Variants in GRM7 observed in about 807,000 individuals in gnomAD.
The protein encoded by GRM7 is glutamate metabotropic receptor 7.
A neutral mutation model predicts 84.5 loss-of-function variants in GRM7; 35 were observed. The observed-to-expected ratio is 0.41, with a 90% confidence interval of 0.32 to 0.55. The LOEUF (loss-of-function observed/expected upper bound fraction) is 0.55. GRM7 is among the 20% of genes least tolerant of loss of function. The pLI is 0.19. For missense variants in GRM7, 1,003 were observed against 1,194.6 expected, an observed-to-expected ratio of 0.84 and a Z score of 2.36; for synonymous variants, 487 against 455.1, an observed-to-expected ratio of 1.07 and a Z score of -0.89.
At chr3:7,392,046 C>T (rs989461011) in intron 4 of GRM7, among the ~76,000 whole-genome samples, 3 of 152,144 alleles carry the variant, frequency 2.0e-5, no homozygotes, top group South Asian at 2.1e-4. Flanking sequence ...TGCAGTTTCA[C>T]GTTTTCTTTG....
intron 4 of GRM7, among the ~76,000 whole-genome samples, chr3:7,358,924 C>T (rs1410371992): frequency 6.8e-6 from 1 of 147,200 alleles, no homozygotes; most frequent in Non-Finnish European, 1.5e-5. Flanking sequence ...TTGAGACCAG[C>T]CTGGGCAACA....
chr3:7,724,416 A>C (rs4686153), intron 9 of GRM7, among the ~76,000 whole-genome samples: 1 of 152,216 alleles, frequency 6.6e-6, no homozygotes, highest in South Asian at 2.1e-4. Flanking sequence ...GTCAGAATAC[A>C]GTCCCTTTTC....
chr3:7,072,422 C>T lies in GRM7; in HGVS notation c.520-74030C>T, dbSNP rs560047391. ...TTTGGCCAGGTGTTGTGGCTCATGCCTGTTATCCCAGCACTTTAGGAGGCT... is the reference window on the plus strand; with the variant it reads ...TTTGGCCAGGTGTTGTGGCTCATGCTTGTTATCCCAGCACTTTAGGAGGCT... On this transcript the variant is annotated intron_variant, in intron 1 of 9. Transcript: ENST00000357716. 8.5e-5 allele frequency among the ~76,000 whole-genome samples: 13 copies of T among 152,208 alleles called. No individual in the cohort carries two copies. The South Asian group carries it at 2.7e-3, about 32-fold the overall frequency.
chr3:7,485,734 T>G (rs1699295983), intron 7 of GRM7, among the ~76,000 whole-genome samples: 1 of 152,244 alleles, frequency 6.6e-6, no homozygotes, highest in Non-Finnish European at 1.5e-5. Context: ...GCTGTCTTAA[T>G]TTTTGCTTTT....
chr3:7,440,457 A>G (rs1378729716), intron 5 of GRM7, among the ~76,000 whole-genome samples: 1 of 152,182 alleles, frequency 6.6e-6, no homozygotes, highest in African/African-American at 2.4e-5. Flanking sequence ...CAATATACCC[A>G]TAAGACATAC....
chr3:6,991,396 C>T (rs1471614206), intron 1 of GRM7, among the ~76,000 whole-genome samples: 1 of 152,032 alleles, frequency 6.6e-6, no homozygotes, highest in African/African-American at 2.4e-5. Context: ...AAACGCTTGA[C>T]TGCAAGCAAA....
chr3:7,251,300 T>TA (rs577843968), intron 2 of GRM7, among the ~76,000 whole-genome samples: 1,799 of 144,454 alleles, frequency 0.012, 29 homozygotes, highest in African/African-American at 0.038. Flanking sequence ...TTCAGTTACT[T>TA]AAAAAAAAAA....
chr3:7,293,734 GA>G (rs1375193917), intron 2 of GRM7, among the ~76,000 whole-genome samples: 1 of 152,168 alleles, frequency 6.6e-6, no homozygotes, highest in African/African-American at 2.4e-5. Context: ...TGTGGGCCAT[GA>G]AAAATTCCAT....
intron 6 of GRM7, 142 bp from the exon 7 acceptor site, chr3:7,461,441 G>A (rs1018176888): frequency 6.9e-6 from 4 of 577,726 alleles, no homozygotes; most frequent in Admixed American, 3.2e-5. Context: ...AATTGCAGGG[G>A]CCGTTTTGGG....
At chr3:7,592,456 T>C (rs1695837789) in intron 8 of GRM7, among the ~76,000 whole-genome samples, 1 of 152,160 alleles carries the variant, frequency 6.6e-6, no homozygotes, top group South Asian at 2.1e-4. Context: ...ATGTCAAGGC[T>C]ATTTGGGAAA....
At chr3:7,739,907 A>G (rs1028877614) in intron 9 of GRM7, among the ~76,000 whole-genome samples, 4 of 152,178 alleles carry the variant, frequency 2.6e-5, no homozygotes, top group Admixed American at 6.5e-5. Context: ...AATCAGCACT[A>G]AAGAAGACAC....
Position 6,975,735 on chromosome 3 carries a change from C to A in GRM7, c.519+113828C>A, listed in dbSNP as rs545137742. ...TGTTTGTTTGCTTGTTTGTTTTAAG[C>A]CTGGCTGATCTGATTAGGAAGAAGG... On this transcript the variant is annotated intron_variant, in intron 1 of 9. Coordinates refer to ENST00000357716, the MANE Select transcript of GRM7 (RefSeq NM_000844.4). Among the ~76,000 whole-genome samples the A allele has an allele frequency of 1.5e-4, 23 of 152,066 alleles. 1 individual carries two copies. In the South Asian group the frequency reaches 4.2e-3, roughly 27 times the overall value.
intron 1 of GRM7, among the ~76,000 whole-genome samples, chr3:7,016,200 T>A (rs2124903692): frequency 6.6e-6 from 1 of 152,308 alleles, no homozygotes; most frequent in East Asian, 1.9e-4. Flanking sequence ...TTTCTTTGGG[T>A]CACATTTTTG....
intron 7 of GRM7, among the ~76,000 whole-genome samples, chr3:7,494,890 G>A (rs965487074): frequency 1.3e-5 from 2 of 152,174 alleles, no homozygotes; most frequent in Admixed American, 1.3e-4. Context: ...TATGATGGCT[G>A]TTTTAAAACC....
intron 1 of GRM7, among the ~76,000 whole-genome samples, chr3:6,946,655 T>C (rs1469463022): frequency 6.6e-6 from 1 of 152,200 alleles, no homozygotes; most frequent in Non-Finnish European, 1.5e-5. Context: ...TTGGGCAGTA[T>C]GGCCATTTTC....
intron 2 of GRM7, among the ~76,000 whole-genome samples, chr3:7,196,100 G>C (rs542918480): frequency 4.1e-4 from 63 of 152,200 alleles, no homozygotes; most frequent in African/African-American, 1.5e-3. Context: ...GCACTGTGGA[G>C]ACTAACAAGT....
intron 6 of GRM7, among the ~76,000 whole-genome samples, chr3:7,459,733 A>G (rs567090177): frequency 6.6e-6 from 1 of 152,222 alleles, no homozygotes; most frequent in East Asian, 1.9e-4. Flanking sequence ...TGGGAGCTAC[A>G]ATTCAAGATG....
At chr3:6,911,765 GT>G (rs1696777992) in intron 1 of GRM7, among the ~76,000 whole-genome samples, 2 of 152,192 alleles carry the variant, frequency 1.3e-5, no homozygotes, top group Middle Eastern at 6.8e-3. Context: ...TTCAAAAATT[GT>G]TTTTAGTTTT....
At chr3:6,970,922 C>T (rs953597538) in intron 1 of GRM7, among the ~76,000 whole-genome samples, 2 of 152,058 alleles carry the variant, frequency 1.3e-5, no homozygotes, top group Non-Finnish European at 2.9e-5. Context: ...GCTGAGGTTG[C>T]AGTGAGCCAA....
Sources: gnomAD v4.1 joint callset for allele counts (sites outside exome capture counted in the v4.1 genomes callset) on GRCh38, gnomAD v4.1.1 for gene constraint, MANE v1.5 for transcripts, NCBI Gene and HGNC (gene_info 2026-07-23, HGNC 2026-07-21) for gene names.